The following ELMO1 variants were observed in gnomAD, a reference collection of about 807,000 sequenced individuals.
ELMO1 encodes the protein engulfment and cell motility 1, also known as engulfment and cell motility protein 1.
Under a neutral mutation model 98.9 loss-of-function variants are expected in ELMO1, and 26 were observed. The observed-to-expected ratio is 0.26, with a 90% CI of 0.19 to 0.36. ELMO1 has a LOEUF of 0.36. Among genes scored for constraint, ELMO1 ranks in the 10% least tolerant of loss-of-function variants. The pLI is 1.00. For synonymous variants in ELMO1, 346 were observed against 346.0 expected (o/e 1.00, Z 0.00); for missense variants, 627 against 935.2 (o/e 0.67, Z 4.30).
chr7:37,098,949 C>G (rs1034059301), intron 14 of ELMO1, among the ~76,000 whole-genome samples: 3 of 152,230 alleles, frequency 2.0e-5, no homozygotes, highest in Admixed American at 6.5e-5. Context: ...TTCACATTAA[C>G]ATTCTATTAA....
intron 14 of ELMO1, among the ~76,000 whole-genome samples, chr7:37,127,325 C>A (rs543676491): frequency 6.6e-6 from 1 of 152,250 alleles, no homozygotes; most frequent in East Asian, 1.9e-4. Context: ...GTCCTGTGGA[C>A]TTTCCATGTT....
At chr7:36,975,478 A>T (rs1253275384) in intron 16 of ELMO1, among the ~76,000 whole-genome samples, 3 of 151,928 alleles carry the variant, frequency 2.0e-5, no homozygotes, top group Non-Finnish European at 4.4e-5. Flanking sequence ...AAATAAAACA[A>T]AACAGAAAAT....
chr7:37,327,407 A>G (rs1164165683), intron 2 of ELMO1, among the ~76,000 whole-genome samples: 1 of 152,242 alleles, frequency 6.6e-6, no homozygotes, highest in African/African-American at 2.4e-5. Flanking sequence ...ATAGGATGTT[A>G]TCAGGCTAGG....
chr7:37,013,185 A>G (rs1773119496), intron 16 of ELMO1, 114 bp downstream of exon 16: 1 of 1,329,268 alleles, frequency 7.5e-7, no homozygotes, highest in Non-Finnish European at 1.0e-6. Context: ...TATCATTGCA[A>G]TCTTCCTCAT....
At chr7:37,318,661 A>G (rs1799330206) in intron 2 of ELMO1, among the ~76,000 whole-genome samples, 2 of 152,242 alleles carry the variant, frequency 1.3e-5, no homozygotes, top group African/African-American at 4.8e-5. Context: ...AGATGAAAGA[A>G]AAACTAAACC....
chr7:36,859,706 T>C (rs1424863485), intron 21 of ELMO1, among the ~76,000 whole-genome samples: 3 of 152,192 alleles, frequency 2.0e-5, no homozygotes, highest in African/African-American at 7.2e-5. Flanking sequence ...TAGAGTTATA[T>C]GAGGGTTAAC....
chr7:37,349,540 G>GC (rs896065973), intron 1 of ELMO1, among the ~76,000 whole-genome samples: 1 of 151,854 alleles, frequency 6.6e-6, no homozygotes, highest in African/African-American at 2.4e-5. Flanking sequence ...TGTAACCTCC[G>GC]CCCCCCGGGT....
At chr7:37,371,843 G>T (rs1039018198) in intron 1 of ELMO1, among the ~76,000 whole-genome samples, 1 of 152,166 alleles carries the variant, frequency 6.6e-6, no homozygotes, top group Non-Finnish European at 1.5e-5. Flanking sequence ...GATGAGTTGC[G>T]AAGAGCAGCC....
chr7:37,026,991 T>C (rs1009819062), intron 15 of ELMO1, among the ~76,000 whole-genome samples: 2 of 152,194 alleles, frequency 1.3e-5, no homozygotes, highest in African/African-American at 4.8e-5. Flanking sequence ...GCTTTCATTA[T>C]GTTCCACTTC....
At chr7:37,310,880 A>G (rs781705630) in intron 4 of ELMO1, among the ~76,000 whole-genome samples, 4 of 152,096 alleles carry the variant, frequency 2.6e-5, no homozygotes, top group Non-Finnish European at 5.9e-5. Flanking sequence ...AGACACCAAT[A>G]CCTGCATCAT....
At chr7:36,869,001 G>A (rs1258780864) in intron 20 of ELMO1, among the ~76,000 whole-genome samples, 1 of 152,210 alleles carries the variant, frequency 6.6e-6, no homozygotes, top group Admixed American at 6.5e-5. Context: ...TAGTGTTGAA[G>A]AAAGTCTGCT....
chr7:37,046,976 G>C (rs1795830128), intron 15 of ELMO1, among the ~76,000 whole-genome samples: 1 of 152,206 alleles, frequency 6.6e-6, no homozygotes, highest in African/African-American at 2.4e-5. Context: ...ATGTTTACAA[G>C]CCAGATTCAC....
At chr7:37,435,499 T>A (rs535249715) in intron 1 of ELMO1, among the ~76,000 whole-genome samples, 50 of 152,360 alleles carry the variant, frequency 3.3e-4, no homozygotes, top group Non-Finnish European at 5.9e-4. Flanking sequence ...AAACTACTGT[T>A]ATGCCATTTC....
chr7:37,268,109 C>T (rs925669435), intron 5 of ELMO1, among the ~76,000 whole-genome samples: 11 of 152,124 alleles, frequency 7.2e-5, no homozygotes, highest in African/African-American at 1.9e-4. Flanking sequence ...GTTTCTGATA[C>T]GAACAATAGC....
Position 37,188,437 on chromosome 7 carries a change from CACACACACACACACGCAA to C in ELMO1, c.1086+22931_1086+22948del, listed in dbSNP as rs1348280057. Among the ~76,000 whole-genome samples, 153 of 37,550 alleles carry C rather than the reference CACACACACACACACGCAA, an allele frequency of 4.1e-3. 1 individual carries two copies. The highest frequency in any genetic ancestry group is 0.026 in the African/African-American group (141 of 5,414). The allele number at this position is 37,550 out of a possible 152,430, so 24.6% of individuals were successfully genotyped here. Reference sequence around the variant, plus strand: ...ACACACACACACACACACACACACACACACACACACACACGCAAACACACACACACACAGGCCACTGGA... The same window carrying C: ...ACACACACACACACACACACACACACACACACACACACACAGGCCACTGGA... On this transcript the variant is annotated intron_variant, in intron 13 of 21. Coordinates refer to ENST00000310758, the MANE Select transcript of ELMO1 (RefSeq NM_014800.11).
intron 1 of ELMO1, among the ~76,000 whole-genome samples, chr7:37,346,604 C>G (rs189548591): frequency 6.6e-6 from 1 of 152,118 alleles, no homozygotes; most frequent in Non-Finnish European, 1.5e-5. Flanking sequence ...TACTTCAGTT[C>G]GACATCCAAG....
At chr7:37,153,871 CGAGTA>C (rs1178218622) in intron 13 of ELMO1, among the ~76,000 whole-genome samples, 1 of 152,024 alleles carries the variant, frequency 6.6e-6, no homozygotes, top group African/African-American at 2.4e-5. Flanking sequence ...CCCTGACCCC[CGAGTA>C]GCCTGACTAG....
At chr7:37,176,360 G>T (rs549682499) in intron 13 of ELMO1, among the ~76,000 whole-genome samples, 1 of 152,272 alleles carries the variant, frequency 6.6e-6, no homozygotes, top group African/African-American at 2.4e-5. Context: ...GCTAAAAATA[G>T]TCACAAATAA....
At chr7:37,178,981 C>T (rs538697955) in intron 13 of ELMO1, among the ~76,000 whole-genome samples, 1 of 152,292 alleles carries the variant, frequency 6.6e-6, no homozygotes, top group East Asian at 1.9e-4. Context: ...TCCTAAAACA[C>T]TCTGCTGTTT....
Sources: allele counts gnomAD v4.1 joint callset (sites outside exome capture counted in the v4.1 genomes callset), GRCh38; gene constraint gnomAD v4.1.1; transcripts MANE v1.5; gene names NCBI Gene and HGNC (gene_info 2026-07-23, HGNC 2026-07-21).